The following TJP2 variants were observed in gnomAD, a reference collection of about 807,000 sequenced individuals.
TJP2 encodes the protein Friedreich ataxia region gene X104 (tight junction protein ZO-2).
In TJP2, 91 loss-of-function variants were observed where a neutral mutation model predicts 133.1. The observed-to-expected ratio is 0.68, with a 90% CI of 0.58 to 0.81. TJP2 has a LOEUF of 0.81. TJP2 is among the 40% of genes least tolerant of loss of function. The pLI, the probability that TJP2 is intolerant of heterozygous loss-of-function variation, is 0.00. For missense variants in TJP2, 1,541 were observed against 1,565.6 expected (o/e 0.98, Z 0.26); for synonymous variants, 592 against 583.4 (o/e 1.01, Z -0.21).
intron 21 of TJP2, 85 bp from the exon 22 acceptor site, chr9:69,252,730 G>A: frequency 7.9e-7 from 1 of 1,267,912 alleles, no homozygotes; most frequent in Non-Finnish European, 1.1e-6. Flanking sequence ...TATGGGGAAA[G>A]GGTGGGACCA....
chr9:69,204,479 C>T (rs1827241230), intron 1 of TJP2, among the ~76,000 whole-genome samples: 1 of 152,164 alleles, frequency 6.6e-6, no homozygotes, highest in Admixed American at 6.6e-5. Flanking sequence ...CCCTTCTCCC[C>T]AAGTGGTAAA....
At chr9:69,136,757 C>T (rs1475663587) in intron 1 of TJP2, among the ~76,000 whole-genome samples, 1 of 152,062 alleles carries the variant, frequency 6.6e-6, no homozygotes, top group Non-Finnish European at 1.5e-5. Context: ...GACAGCGGCC[C>T]TTTGGTGAGA....
At position 69,254,561 on chromosome 9, in the gene TJP2, G is replaced by T. The variant is rs780438003; in HGVS notation, c.*187G>T. 1.4e-6 allele frequency: 1 copy of T among 715,972 alleles called. No homozygotes were observed. The highest frequency in any genetic ancestry group is 2.4e-6 in the Non-Finnish European group (1 of 414,258). The allele number at this position is 715,972 out of a possible 1,614,324, so 44.4% of individuals were successfully genotyped here. On this transcript the variant is annotated 3_prime_UTR_variant, in exon 23 of 23. Coordinates refer to ENST00000377245, the MANE Select transcript of TJP2 (RefSeq NM_004817.4). ...AAATTCAGAACTGAGGGCTCTGTTT[G>T]TGGGACTGGGTTAGAGGAGTCTGTG...
At chr9:69,218,387 C>A in intron 4 of TJP2, 28 bp downstream of exon 4, 2 of 1,586,634 alleles carry the variant, frequency 1.3e-6, no homozygotes, top group Non-Finnish European at 1.7e-6. Flanking sequence ...TTTCAGCTTG[C>A]CTTAATAGCA....
chr9:69,168,908 GC>G (rs1824516494), intron 2 of TJP2, among the ~76,000 whole-genome samples: 1 of 152,268 alleles, frequency 6.6e-6, no homozygotes, highest in South Asian at 2.1e-4. Flanking sequence ...AATCACAGGG[GC>G]CATTGAGTGG....
At position 69,236,131 on chromosome 9, in the gene TJP2, G is replaced by A. The variant is rs1327034450; in HGVS notation, c.1884G>A (p.Gly628=). Residue 628 remains glycine, a synonymous_variant, in exon 13 of 23, where the codon GGG becomes GGA. Transcript: ENST00000377245. ...CACAGAGCCTGGCCTTCACCAGAGG[G>A]GAGGTCTTCCGAGTGGTAGACACAC... ...ETPQSLAFTR[G]EVFRVVDTLY... 10 of 1,614,076 alleles carry A rather than the reference G, an allele frequency of 6.2e-6. No individual in the cohort carries two copies. The highest frequency in any genetic ancestry group is 7.6e-6 in the Non-Finnish European group (9 of 1,180,040).
rs780320297 is a variant in TJP2, at chr9:69,221,202, A to C, written c.658A>C (p.Ser220Arg). Residue 220 changes from serine to arginine, a missense_variant, in exon 5 of 23, where the codon AGC becomes CGC. Transcript: ENST00000377245. ...CACCCGAGACCGCAGCCGTGGCCGG[A>C]GCCTGGAGCGGGGCCTGGACCACGA... ...ARTRDRSRGR[S>R]LERGLDHDFG... 8 of 1,603,084 alleles carry C rather than the reference A, an allele frequency of 5.0e-6. No individual in the cohort carries two copies. In the Admixed American group the frequency reaches 5.1e-5, roughly 10 times the overall value.
At position 69,248,202 on chromosome 9, in the gene TJP2, C is replaced by G; in HGVS notation, c.2858C>G (p.Ser953Trp). The change falls in exon 19 of 23, where the codon TCG becomes TGG. Residue 953 changes from serine (S) to tryptophan (W), a missense_variant. Transcript: ENST00000377245. ...EPLVSSITRSSEPVQHEESIR... is the reference protein window; with the variant it reads ...EPLVSSITRSWEPVQHEESIR... ...CTGGTGTCGTCCATCACCCGCTCCT[C>G]GGAGCCGGTGCAGCACGAGGAGGTG... 1.2e-6 allele frequency: 2 copies of G among 1,607,006 alleles called. No individual in the cohort carries two copies. Among genetic ancestry groups the G allele is most frequent in the Non-Finnish European group, 1.7e-6 (2 of 1,176,332 alleles).
chr9:69,139,835 GC>G (rs1822934217), intron 1 of TJP2, among the ~76,000 whole-genome samples: 1 of 152,144 alleles, frequency 6.6e-6, no homozygotes, highest in African/African-American at 2.4e-5. Flanking sequence ...TAGCTCTGTA[GC>G]AGGACAAAGT....
At chr9:69,171,789 A>ATTTTTTTTTTTTTTTTTTTTTTTTTTTTT (rs34717893), upstream of TJP2, among the ~76,000 whole-genome samples, 1 of 86,758 alleles carries the variant, frequency 1.2e-5, no homozygotes, top group Non-Finnish European at 2.1e-5. Context: ...GAGTAGAAGA[A>ATTTTTTTTTTTTTTTTTTTTTTTTTTTTT]TTTTTTTTTT....
intron 2 of TJP2, among the ~76,000 whole-genome samples, chr9:69,164,657 C>T (rs773078595): frequency 3.3e-5 from 5 of 152,078 alleles, no homozygotes; most frequent in East Asian, 1.9e-4. Flanking sequence ...TTAGTTGCTG[C>T]GAGAGCAAAA....
At chr9:69,249,850 C>G in intron 20 of TJP2, 1 of 682,482 alleles carries the variant, frequency 1.5e-6, no homozygotes, top group Non-Finnish European at 1.8e-6. Flanking sequence ...AGTTTTCTGC[C>G]CAGTCTGATT....
rs188347977 is a variant in TJP2 at position 69,124,701 on chromosome 9, A to G, written c.-131+2976A>G. Among the ~76,000 whole-genome samples, 304 of 77,816 alleles carry G rather than the reference A, an allele frequency of 3.9e-3. 106 individuals are homozygous for G. The highest frequency in any genetic ancestry group is 0.012 in the African/African-American group (297 of 25,538). The allele number at this position is 77,816 out of a possible 152,430, so 51.1% of individuals were successfully genotyped here. A position where few individuals can be genotyped will look rare whatever the true frequency, so the allele number is the denominator to read the frequency against. On this transcript the variant is annotated intron_variant, in intron 1 of 5. Transcript: ENST00000423935. ...TGCATTCACAGACTTTCAGAATGTT[A>G]TTACTTCCTTTTAATTCTAGTAAGG...
chr9:69,173,607 G>A (rs867355859), upstream of TJP2, among the ~76,000 whole-genome samples: 7 of 152,142 alleles, frequency 4.6e-5, no homozygotes, highest in South Asian at 1.4e-3. Context: ...TATAACCCTC[G>A]GAATTCGGGT....
rs1405334479 is a variant in TJP2, at chr9:69,223,069, G to GGA, written c.952+1573_952+1574insGA. Among the ~76,000 whole-genome samples, 9 of 114,120 alleles carry GGA rather than the reference G, an allele frequency of 7.9e-5. No individual in the cohort carries two copies. In the East Asian group the frequency reaches 1.7e-3, roughly 21 times the overall value. The allele number at this position is 114,120 out of a possible 152,430, so 74.9% of individuals were successfully genotyped here. A position where few individuals can be genotyped will look rare whatever the true frequency, so the allele number is the denominator to read the frequency against. Reference sequence around the variant, plus strand: ...GGGTGACAGAGCGAGACTCTGTCTTGAAAAAAAAAAAAAAAAAAAAAAGAA... The same window carrying GGA: ...GGGTGACAGAGCGAGACTCTGTCTTGGAAAAAAAAAAAAAAAAAAAAAAAGAA... On this transcript the variant is annotated intron_variant, in intron 5 of 22. Transcript: ENST00000377245.
chr9:69,228,797 A>G (rs926086378), intron 9 of TJP2, among the ~76,000 whole-genome samples: 1 of 152,108 alleles, frequency 6.6e-6, no homozygotes, highest in Non-Finnish European at 1.5e-5. Flanking sequence ...AGTTGAGGTC[A>G]TTGTTTTCTC....
chr9:69,140,194 G>C (rs1434844501), intron 1 of TJP2, among the ~76,000 whole-genome samples: 1 of 152,216 alleles, frequency 6.6e-6, no homozygotes, highest in Admixed American at 6.5e-5. Flanking sequence ...TGGAAGAAAT[G>C]AAGCCACAAC....
At position 69,221,150 on chromosome 9, in the gene TJP2, G is replaced by GCGGGGCCTGGAC; in HGVS notation, c.608_619dup (p.Arg203_Asp206dup). 3 of 1,594,726 alleles carry GCGGGGCCTGGAC rather than the reference G, an allele frequency of 1.9e-6. No homozygotes were observed. The highest frequency in any genetic ancestry group is 2.6e-6 in the Non-Finnish European group (3 of 1,170,958). On this transcript the variant is annotated inframe_insertion, in exon 5 of 23. Coordinates refer to ENST00000377245, the MANE Select transcript of TJP2 (RefSeq NM_004817.4). ...ACCGGAGCCGTGGCCGGAGCCTGGA[G>GCGGGGCCTGGAC]CGGGGCCTGGACCAAGACCATGCGC... is the stretch of plus-strand genomic sequence containing the variant.
At chr9:69,235,295 T>TTTTATTTA (rs929800157) in intron 12 of TJP2, among the ~76,000 whole-genome samples, 8 of 113,360 alleles carry the variant, frequency 7.1e-5, no homozygotes, top group East Asian at 2.1e-4. Context: ...CCTCCTAATT[T>TTTTATTTA]TTTATTTATT....
Sources: gnomAD v4.1 joint callset for allele counts (sites outside exome capture counted in the v4.1 genomes callset) on GRCh38, gnomAD v4.1.1 for gene constraint, MANE v1.5 for transcripts, NCBI Gene and HGNC (gene_info 2026-07-23, HGNC 2026-07-21) for gene names.